COL18A1: variants seen among roughly 807,000 people sequenced by gnomAD.
COL18A1 encodes the protein collagen alpha-1(XVIII) chain.
COL18A1 carries 133 observed loss-of-function variants against 168.0 expected under a neutral mutation model. The ratio of observed to expected loss-of-function variants is 0.79; its 90% CI spans 0.69 to 0.91. The LOEUF (loss-of-function observed/expected upper bound fraction) is 0.91, where lower values mean the gene tolerates loss of function less well. Ranked by LOEUF, COL18A1 falls within the 40% of genes least tolerant of loss-of-function variation. The pLI, the probability that COL18A1 is intolerant of heterozygous loss-of-function variation, is 0.00. For synonymous variants in COL18A1, 949 were observed against 809.0 expected, an observed-to-expected ratio of 1.17 and a Z score of -2.94; for missense variants, 2,126 against 1,925.4, an observed-to-expected ratio of 1.10 and a Z score of -1.95.
At position 45,498,362 on chromosome 21, in the gene COL18A1, C is replaced by T. The variant is rs1416482559; in HGVS notation, c.2683+701C>T. On this transcript the variant is annotated intron_variant, in intron 32 of 41. Coordinates refer to ENST00000651438, the MANE Select transcript of COL18A1 (RefSeq NM_001379500.1). The surrounding 1 kb of genome is among the most constrained non-coding windows in gnomAD (Gnocchi z 4.5). ...CCCTCTCACCGCCAGGGTTCCCTCT[C>T]GCCACCACGGTCCCCTCTCGCCGCC... 16 of 647,764 alleles carry T rather than the reference C, an allele frequency of 2.5e-5. No individual in the cohort carries two copies. The highest frequency in any genetic ancestry group is 5.1e-5 in the South Asian group (3 of 58,692). The allele number at this position is 647,764 out of a possible 1,614,324, so 40.1% of individuals were successfully genotyped here.
At chr21:45,476,606 A>G (rs1602483414) in intron 6 of COL18A1, 126 bp downstream of exon 6, 1 of 1,215,080 alleles carries the variant, frequency 8.2e-7, no homozygotes, top group Non-Finnish European at 1.2e-6. Context: ...TATATGGTAC[A>G]TGTGTGTGTG....
rs375058430 is a variant in COL18A1 at position 45,490,838 on chromosome 21, G to A, written c.2034G>A (p.Gly678=). 1.3e-6 allele frequency: 2 copies of A among 1,550,200 alleles called. No homozygotes were observed. Among genetic ancestry groups the A allele is most frequent in the Non-Finnish European group, 1.7e-6 (2 of 1,146,830 alleles). Residue 678 remains glycine (G), a splice_region_variant and synonymous_variant, in exon 21 of 42, where the codon GGG becomes GGA. Transcript: ENST00000651438. ...PGREGIAGPQ[G]PKGDRGSRGE... Reference sequence around the variant, plus strand: ...CCATTTCCTTCCTGTCTCTCCAGGGGCCAAAGGGAGACAGAGGCAGCCGGG... The same window carrying A: ...CCATTTCCTTCCTGTCTCTCCAGGGACCAAAGGGAGACAGAGGCAGCCGGG...
At chr21:45,489,906 C>G (rs1304147117) in intron 19 of COL18A1, among the ~76,000 whole-genome samples, 1 of 93,464 alleles carries the variant, frequency 1.1e-5, no homozygotes, top group Admixed American at 9.9e-5. Context: ...TCCCCCACTT[C>G]CACCTGCCCC....
In COL18A1 at chr21:45,468,502, G is replaced by T. The variant is rs376829205; in HGVS notation, c.367G>T (p.Val123Leu). The change falls in exon 3 of 42, where the codon GTG (valine) becomes TTG (leucine). Residue 123 changes from valine to leucine, a missense_variant. Physicochemically the swap from Val to Leu is conservative, Grantham distance 32. Transcript: ENST00000651438. ...GGCGCAGGCCATGGTCTTGCTGGGC[G>T]TGAAGCTCTCTGGGGTGCAGGACGG... is the stretch of plus-strand genomic sequence containing the variant. ...DSAQAMVLLG[V>L]KLSGVQDGHQ... is the part of the protein sequence containing the mutation. 5 of 1,613,730 alleles carry T rather than the reference G, an allele frequency of 3.1e-6. No homozygotes were observed. The African/African-American group carries it at 6.7e-5, about 22-fold the overall frequency.
chr21:45,479,906 A>C lies in COL18A1; in HGVS notation c.1253A>C (p.Asp418Ala), dbSNP rs768548019. The change falls in exon 10 of 42, where the codon GAC becomes GCC. Residue 418 changes from aspartate (D) to alanine (A), a missense_variant. Asp to Ala is a moderately radical substitution (Grantham distance 126). Coordinates refer to ENST00000651438, the MANE Select transcript of COL18A1 (RefSeq NM_001379500.1). ...GDPGEDGKPG[D>A]TGPQGFPGTP... The stretch of plus-strand genomic sequence containing the variant: ...CCCCCGGATGTTGTGTTCCAGGGCG[A>C]CACCGGGCCACAAGGCTTCCCCGGG... 17 of 1,613,280 alleles carry C rather than the reference A, an allele frequency of 1.1e-5. No individual in the cohort carries two copies. The Middle Eastern group carries it at 1.8e-3, about 172-fold the overall frequency.
At chr21:45,495,061 G>A (rs1238373966) in intron 28 of COL18A1, 146 bp downstream of exon 28, 23 of 755,566 alleles carry the variant, frequency 3.0e-5, no homozygotes, top group South Asian at 1.9e-4. Flanking sequence ...CTGCCTGAGC[G>A]CAGCTCTTGT....
chr21:45,409,506 T>C (rs2065353838), intron 2 of COL18A1, among the ~76,000 whole-genome samples: 1 of 152,014 alleles, frequency 6.6e-6, no homozygotes, highest in Non-Finnish European at 1.5e-5. Context: ...AAGGCCCTTT[T>C]CAAGGCCCAG....
chr21:45,511,499 G>A (rs575602216), intron 41 of COL18A1, among the ~76,000 whole-genome samples: 13 of 152,204 alleles, frequency 8.5e-5, no homozygotes, highest in African/African-American at 1.9e-4. Context: ...CATGTCTCCC[G>A]GATGTCACCA....
intron 26 of COL18A1, chr21:45,494,248 T>TTCCCCCCCCC: frequency 2.1e-6 from 1 of 472,536 alleles, no homozygotes; most frequent in Non-Finnish European, 3.9e-6. Flanking sequence ...GCACATGCCC[T>TTCCCCCCCCC]CCACCCTCCA....
At chr21:45,510,313 C>A in intron 40 of COL18A1, 52 bp downstream of exon 40, 2 of 1,535,748 alleles carry the variant, frequency 1.3e-6, no homozygotes, top group Non-Finnish European at 1.8e-6. Flanking sequence ...CACTTGACCT[C>A]TGGGGTGAAC....
intron 2 of COL18A1, among the ~76,000 whole-genome samples, chr21:45,415,964 G>A (rs770363881): frequency 1.3e-5 from 2 of 152,174 alleles, no homozygotes; most frequent in African/African-American, 4.8e-5. Flanking sequence ...GTGGGCCCTC[G>A]GCTATCTGGA....
At chr21:45,493,873 G>T (rs1049503710) in intron 26 of COL18A1, 18 of 462,062 alleles carry the variant, frequency 3.9e-5, no homozygotes, top group Admixed American at 3.4e-4. Context: ...GGCCTGGCCT[G>T]TGGGGTGCAG....
intron 2 of COL18A1, among the ~76,000 whole-genome samples, chr21:45,437,518 A>T (rs868145881): frequency 8.8e-3 from 28 of 3,186 alleles, no homozygotes; most frequent in South Asian, 9.6e-3. Context: ...TCCTGCACAC[A>T]CACACTCAGA....
rs749533434 is a variant in COL18A1 at position 45,478,348 on chromosome 21, A to G, written c.1243A>G (p.Lys415Glu). Residue 415 changes from lysine to glutamate, a missense_variant, in exon 9 of 42, where the codon AAG becomes GAG. Physicochemically the swap from Lys to Glu is moderately conservative, Grantham distance 56 (BLOSUM62 1). Coordinates refer to ENST00000651438, the MANE Select transcript of COL18A1 (RefSeq NM_001379500.1). Reference sequence around the variant, plus strand: ...CCAGGGCGACCCCGGTGAAGACGGAAAGCCGGTGAGTCTGCTTTTCTTTCT... The same window carrying G: ...CCAGGGCGACCCCGGTGAAGACGGAGAGCCGGTGAGTCTGCTTTTCTTTCT... ...GEPGDPGEDG[K>E]PGDTGPQGFP... 9.9e-6 allele frequency: 16 copies of G among 1,613,286 alleles called. No homozygotes were observed. The highest frequency in any genetic ancestry group is 1.7e-6 in the Non-Finnish European group (2 of 1,179,790).
rs2036603726 is a variant in COL18A1 at position 45,498,100 on chromosome 21, C to T, written c.2683+439C>T. ...CGTCTGGAGGGTGAGCCCAGCACCC[C>T]TGCTCCCCCAAAGGACAAGAATTCC... On this transcript the variant is annotated intron_variant, in intron 32 of 41. Transcript: ENST00000651438. The surrounding 1 kb of genome is among the most constrained non-coding windows in gnomAD (Gnocchi z 4.5). The T allele has an allele frequency of 8.0e-6, 5 of 621,516 alleles. No homozygotes were observed. The South Asian group carries it at 9.3e-5, about 12-fold the overall frequency. The allele number at this position is 621,516 out of a possible 1,614,324, so 38.5% of individuals were successfully genotyped here. A position where few individuals can be genotyped will look rare whatever the true frequency, so the allele number is the denominator to read the frequency against.
chr21:45,500,222 T>C (rs1317755311), intron 32 of COL18A1, among the ~76,000 whole-genome samples: 1 of 127,724 alleles, frequency 7.8e-6, no homozygotes, highest in Non-Finnish European at 1.6e-5. Flanking sequence ...GTTGGGTGTA[T>C]AGTGTGGAGG....
chr21:45,499,666 A>G (rs1033493572), intron 32 of COL18A1, among the ~76,000 whole-genome samples: 2 of 151,978 alleles, frequency 1.3e-5, no homozygotes, highest in Non-Finnish European at 2.9e-5. Context: ...CGTCAGTGCA[A>G]TTAGAGGTTC....
intron 2 of COL18A1, among the ~76,000 whole-genome samples, chr21:45,465,505 G>A (rs1361457894): frequency 6.6e-6 from 1 of 152,226 alleles, no homozygotes; most frequent in Non-Finnish European, 1.5e-5. Flanking sequence ...ATGGAGTGAT[G>A]ATGGTGGCGC....
intron 2 of COL18A1, among the ~76,000 whole-genome samples, chr21:45,438,146 TCAGACA>T (rs2034247582): frequency 2.4e-5 from 1 of 41,192 alleles, no homozygotes; most frequent in Non-Finnish European, 4.3e-5. Flanking sequence ...ACACACTCAC[TCAGACA>T]CAGGCACTCT....
Sources: allele counts gnomAD v4.1 joint callset (sites outside exome capture counted in the v4.1 genomes callset), GRCh38; gene constraint gnomAD v4.1.1; non-coding constraint Gnocchi (gnomAD v3.1); transcripts MANE v1.5; gene names NCBI Gene and HGNC (gene_info 2026-07-23, HGNC 2026-07-21).